RBBP4: variants seen among roughly 807,000 people sequenced by gnomAD.
RBBP4 encodes RB binding protein 4, chromatin remodeling factor.
In RBBP4, 3 loss-of-function variants were observed where a neutral mutation model predicts 57.2. The ratio of observed to expected loss-of-function variants is 0.05; its 90% CI spans 0.02 to 0.14. The LOEUF is 0.14. Ranked by LOEUF, RBBP4 falls within the 10% of genes least tolerant of loss-of-function variation. The pLI is 1.00. For synonymous variants in RBBP4, 151 were observed against 171.5 expected, an observed-to-expected ratio of 0.88 and a Z score of 0.93; for missense variants, 107 against 520.6, an observed-to-expected ratio of 0.21 and a Z score of 7.73.
At chr1:32,673,442 C>T (rs55707864) in intron 11 of RBBP4, 292,378 of 362,746 alleles carry the variant, frequency 0.81, 113,136 homozygotes, top group Non-Finnish European at 0.84. Flanking sequence ...TAAATTTTCT[C>T]TTTTTTTTTT....
chr1:32,666,014 A>G (rs913346570), intron 3 of RBBP4, among the ~76,000 whole-genome samples: 1 of 152,212 alleles, frequency 6.6e-6, no homozygotes, highest in African/African-American at 2.4e-5. Context: ...AGAACTCTCT[A>G]AGTGCACATA....
At chr1:32,675,371 A>G (rs1649054558) in intron 11 of RBBP4, among the ~76,000 whole-genome samples, 1 of 152,120 alleles carries the variant, frequency 6.6e-6, no homozygotes, top group Non-Finnish European at 1.5e-5. Flanking sequence ...AAATAAAATA[A>G]GTTTGTGACC....
In RBBP4 at chr1:32,669,369, T is replaced by G; in HGVS notation, c.888+12T>G. 1.3e-6 allele frequency: 2 copies of G among 1,589,858 alleles called. No homozygotes were observed. On this transcript the variant is annotated intron_variant, in intron 7 of 11. Coordinates refer to ENST00000373493, the MANE Select transcript of RBBP4 (RefSeq NM_005610.3). This position sits in a 1 kb window ranked among gnomAD's most constrained non-coding sequence, Gnocchi z 4.9. ...GATCAGCTGACAAGGTCAGTTTCGT[T>G]TATTTTAATAGAAAACATAATTTCT...
intron 3 of RBBP4, chr1:32,662,149 G>T: frequency 3.6e-6 from 1 of 276,718 alleles, no homozygotes. Context: ...CTCCCAGAGT[G>T]CTGGGATTAC....
intron 11 of RBBP4, among the ~76,000 whole-genome samples, chr1:32,674,990 G>A (rs914011247): frequency 6.6e-6 from 1 of 151,770 alleles, no homozygotes; most frequent in Non-Finnish European, 1.5e-5. Flanking sequence ...GCCCTCTTTG[G>A]CCTCCCAAAG....
rs1441006619 is a variant in RBBP4, at chr1:32,672,638, C to T, written c.1044-4C>T. ...TAACTTTTAAAATTATGCTTTTGTACTAGTAAAATTGGAGAGGAACAATCC... is the reference window on the plus strand; with the variant it reads ...TAACTTTTAAAATTATGCTTTTGTATTAGTAAAATTGGAGAGGAACAATCC... On this transcript the variant is annotated splice_region_variant and splice_polypyrimidine_tract_variant and intron_variant, in intron 9 of 11. Transcript: ENST00000373493. 1.2e-6 allele frequency: 2 copies of T among 1,613,542 alleles called. No individual in the cohort carries two copies. Among genetic ancestry groups the T allele is most frequent in the East Asian group, 2.2e-5 (1 of 44,854 alleles).
At chr1:32,653,660 G>GTTTTTTTTTTTT (rs1570831254) in intron 2 of RBBP4, among the ~76,000 whole-genome samples, 1 of 45,036 alleles carries the variant, frequency 2.2e-5, no homozygotes, top group African/African-American at 1.0e-4. Flanking sequence ...TTTTTTTTTT[G>GTTTTTTTTTTTT]TTTTTGTTTT....
chr1:32,658,167 T>C (rs981333631), intron 3 of RBBP4, among the ~76,000 whole-genome samples: 5 of 152,122 alleles, frequency 3.3e-5, no homozygotes, highest in African/African-American at 9.7e-5. Context: ...TGCTATACAT[T>C]CTTAACACGG....
At chr1:32,651,550 G>GT in intron 1 of RBBP4, 1 of 1,190,790 alleles carries the variant, frequency 8.4e-7, no homozygotes, top group South Asian at 2.4e-5. Context: ...GCCAGTGTTT[G>GT]TTTCTCTTCC....
chr1:32,672,587 G>T, intron 9 of RBBP4, 55 bp from the exon 10 acceptor site: 2 of 1,599,004 alleles, frequency 1.3e-6, no homozygotes, highest in African/African-American at 1.3e-5. Context: ...ACTTTGCAAA[G>T]GTAGTTACTA....
intron 11 of RBBP4, among the ~76,000 whole-genome samples, chr1:32,677,576 G>T (rs1190579304): frequency 1.3e-5 from 2 of 152,136 alleles, no homozygotes; most frequent in Non-Finnish European, 2.9e-5. Context: ...GGAGGCAGTA[G>T]TGGGAACCCT....
rs1477843466 is a variant in RBBP4 at position 32,652,163 on chromosome 1, G to A, written c.164+102G>A. ...CTTCAGTCACCCGGAGAAGGCATGTGATCAAAACCTCTTGGTGACATTTTT... is the reference window on the plus strand; with the variant it reads ...CTTCAGTCACCCGGAGAAGGCATGTAATCAAAACCTCTTGGTGACATTTTT... On this transcript the variant is annotated intron_variant, in intron 2 of 11. Coordinates refer to ENST00000373493, the MANE Select transcript of RBBP4 (RefSeq NM_005610.3). 4 of 1,339,866 alleles carry A rather than the reference G, an allele frequency of 3.0e-6. No individual in the cohort carries two copies. The East Asian group carries it at 7.0e-5, about 23-fold the overall frequency. 83.0% of individuals were successfully genotyped at this position (1,339,866 alleles called of 1,614,324 possible). A position where few individuals can be genotyped will look rare whatever the true frequency, so the allele number is the denominator to read the frequency against.
chr1:32,657,883 C>T (rs954190298), intron 3 of RBBP4, among the ~76,000 whole-genome samples: 3 of 152,082 alleles, frequency 2.0e-5, no homozygotes, highest in Non-Finnish European at 2.9e-5. Flanking sequence ...TACTCAGTCT[C>T]GCTCTATTGC....
In RBBP4 at chr1:32,686,201, ATTAAAG is replaced by A. The variant is rs981454308; in HGVS notation, c.*6501_*6506del. ...ATATGTGTTGGGTTAAATAAAATGC[ATTAAAG>A]TTAATTTCATCTGTTTCTTTTTTTA... On this transcript the variant is annotated 3_prime_UTR_variant, in exon 12 of 12. Coordinates refer to ENST00000373493, the MANE Select transcript of RBBP4 (RefSeq NM_005610.3). The A allele has an allele frequency of 1.3e-5, 2 of 152,246 alleles. No individual in the cohort carries two copies. Among genetic ancestry groups the A allele is most frequent in the Non-Finnish European group, 2.9e-5 (2 of 68,044 alleles). 9.4% of individuals were successfully genotyped at this position (152,246 alleles called of 1,614,324 possible). A position where few individuals can be genotyped will look rare whatever the true frequency, so the allele number is the denominator to read the frequency against.
chr1:32,678,013 C>T lies in RBBP4; in HGVS notation c.1213-1627C>T, dbSNP rs183015390. 4.8e-3 allele frequency among the ~76,000 whole-genome samples: 734 copies of T among 152,244 alleles called. 6 individuals are homozygous for T. Among genetic ancestry groups the T allele is most frequent in the Non-Finnish European group, 7.8e-3 (528 of 68,022 alleles). On this transcript the variant is annotated intron_variant, in intron 11 of 11. Transcript: ENST00000373493. ...TATTCTATACAAGAACAGTTTTTCTCTTCAATATATAGAGATTCGGAACAT... is the reference window on the plus strand; with the variant it reads ...TATTCTATACAAGAACAGTTTTTCTTTTCAATATATAGAGATTCGGAACAT...
chr1:32,660,360 A>G (rs1441924557), intron 3 of RBBP4, among the ~76,000 whole-genome samples: 2 of 151,946 alleles, frequency 1.3e-5, no homozygotes, highest in Admixed American at 1.3e-4. Context: ...CCTCCCACCT[A>G]TGCCTCCCAA....
chr1:32,651,593 C>G, intron 1 of RBBP4: 2 of 966,822 alleles, frequency 2.1e-6, no homozygotes, highest in Non-Finnish European at 2.9e-6. Context: ...GCCTCTGTCC[C>G]GAGCGTGGGG....
At chr1:32,659,147 T>TA (rs200268818) in intron 3 of RBBP4, among the ~76,000 whole-genome samples, 1,587 of 148,054 alleles carry the variant, frequency 0.011, 18 homozygotes, top group Middle Eastern at 0.029. Flanking sequence ...TTTATATATA[T>TA]AAAATATATG....
Position 32,669,197 on chromosome 1 carries a change from A to G in RBBP4, c.762-34A>G. Reference sequence around the variant, plus strand: ...AAGTTTTATGTTTAGTCACCATTTCAAGGTTTTTTTCCTTTGTTTTTTTTT... The same window carrying G: ...AAGTTTTATGTTTAGTCACCATTTCGAGGTTTTTTTCCTTTGTTTTTTTTT... On this transcript the variant is annotated intron_variant, in intron 6 of 11. Transcript: ENST00000373493. This position sits in a 1 kb window ranked among gnomAD's most constrained non-coding sequence, Gnocchi z 4.9. The G allele has an allele frequency of 6.2e-7, 1 of 1,610,224 alleles. No individual in the cohort carries two copies. The highest frequency in any genetic ancestry group is 8.5e-7 in the Non-Finnish European group (1 of 1,179,016).
Sources: allele counts gnomAD v4.1 joint callset (sites outside exome capture counted in the v4.1 genomes callset), GRCh38; gene constraint gnomAD v4.1.1; non-coding constraint Gnocchi (gnomAD v3.1); transcripts MANE v1.5; gene names NCBI Gene and HGNC (gene_info 2026-07-23, HGNC 2026-07-21).